Variants in SLC38A6 observed in about 807,000 individuals in gnomAD.
SLC38A6 encodes N system amino acid transporter NAT-1.
In SLC38A6, 73 loss-of-function variants were observed where a neutral mutation model predicts 65.0. The observed-to-expected ratio is 1.12, with a 90% CI of 0.93 to 1.37. The LOEUF (loss-of-function observed/expected upper bound fraction) is 1.37. Among genes scored for constraint, SLC38A6 ranks in the 40% most tolerant of loss-of-function variants. The pLI is 0.00. For synonymous variants in SLC38A6, 183 were observed against 178.8 expected (o/e 1.02, Z -0.19); for missense variants, 561 against 531.1 (o/e 1.06, Z -0.55).
intron 4 of SLC38A6, among the ~76,000 whole-genome samples, chr14:61,017,756 T>C (rs531894356): frequency 2.6e-5 from 4 of 152,342 alleles, no homozygotes; most frequent in Non-Finnish European, 5.9e-5. Context: ...TGTTGTCATT[T>C]TAATACATGC....
intron 3 of SLC38A6, among the ~76,000 whole-genome samples, chr14:61,013,921 A>C (rs1051795371): frequency 1.3e-5 from 2 of 152,082 alleles, no homozygotes; most frequent in Non-Finnish European, 2.9e-5. Flanking sequence ...CTGAATGTGA[A>C]TGTTGGCCTG....
At chr14:61,018,819 GA>G (rs2040176441) in intron 4 of SLC38A6, among the ~76,000 whole-genome samples, 1 of 152,038 alleles carries the variant, frequency 6.6e-6, no homozygotes, top group Non-Finnish European at 1.5e-5. Flanking sequence ...ATTAAAGTAT[GA>G]AAAAATTTCA....
chr14:61,015,410 C>T (rs557205553), intron 3 of SLC38A6, among the ~76,000 whole-genome samples: 4 of 152,270 alleles, frequency 2.6e-5, no homozygotes, highest in African/African-American at 9.6e-5. Flanking sequence ...GTCCAACACT[C>T]CCCAGTGAGA....
At chr14:60,994,540 C>T (rs986334524) in intron 3 of SLC38A6, among the ~76,000 whole-genome samples, 10 of 151,222 alleles carry the variant, frequency 6.6e-5, no homozygotes, top group African/African-American at 1.9e-4. Context: ...AGCAAAACTC[C>T]GTCTCAGAAA....
Position 61,078,823 on chromosome 14 carries a change from C to T in SLC38A6, c.1304C>T (p.Ser435Leu), listed in dbSNP as rs1004485411. The T allele has an allele frequency of 4.8e-5, 10 of 208,228 alleles. No individual in the cohort carries two copies. In the East Asian group the frequency reaches 6.6e-4, roughly 14 times the overall value. The allele number at this position is 208,228 out of a possible 1,614,324, so 12.9% of individuals were successfully genotyped here. The change falls in exon 16 of 17, where the codon TCG becomes TTG. Residue 435 changes from serine to leucine, a missense_variant. Ser to Leu is a moderately radical substitution (Grantham distance 145). Transcript: ENST00000354886. ...ATTTTGAGACAGGGTCTCATTCTGT[C>T]GCACAGGTTGGCGTGCAGTGGTGTG... is the stretch of plus-strand genomic sequence containing the variant.
At chr14:61,009,741 A>G (rs1176923694) in intron 3 of SLC38A6, among the ~76,000 whole-genome samples, 2 of 152,214 alleles carry the variant, frequency 1.3e-5, no homozygotes, top group East Asian at 1.9e-4. Context: ...ATAGTATTCC[A>G]TGGTGTATAT....
At chr14:60,981,430 C>T (rs1266101205) in intron 1 of SLC38A6, 48 bp downstream of exon 1, 4 of 1,551,436 alleles carry the variant, frequency 2.6e-6, no homozygotes, top group African/African-American at 1.4e-5. Flanking sequence ...TCCGGCTTCC[C>T]TCAAGTGCCT....
chr14:61,038,939 C>T (rs2039082), intron 8 of SLC38A6, among the ~76,000 whole-genome samples: 129,843 of 152,124 alleles, frequency 0.85, 56,769 homozygotes, highest in Non-Finnish European at 0.96. Flanking sequence ...ATATTTCCAT[C>T]ATCATTTGAT....
rs1273346427 is a variant in SLC38A6 at position 60,981,313 on chromosome 14, G to A, written c.36G>A (p.Arg12=). The change falls in exon 1 of 16, where the codon CGG becomes CGA. Residue 12 remains arginine, a synonymous_variant. Coordinates refer to ENST00000267488, the MANE Select transcript of SLC38A6 (RefSeq NM_153811.3). The part of the protein sequence containing the change: ...EASWGSFNAE[R]GWYVSVQQPE... ...CCTGGGGGAGCTTCAACGCTGAGCGGGGCTGGTATGTCTCTGTCCAGCAGC... is the reference window on the plus strand; with the variant it reads ...CCTGGGGGAGCTTCAACGCTGAGCGAGGCTGGTATGTCTCTGTCCAGCAGC... 2 of 1,610,578 alleles carry A rather than the reference G, an allele frequency of 1.2e-6. No individual in the cohort carries two copies.
chr14:61,045,933 T>G, intron 11 of SLC38A6, 134 bp from the exon 12 acceptor site: 1 of 553,050 alleles, frequency 1.8e-6, no homozygotes, highest in Non-Finnish European at 3.3e-6. Context: ...TAATTTCGAA[T>G]GAGGACTTCT....
Position 61,057,871 on chromosome 14 carries a change from G to T in SLC38A6, c.1290+5736G>T, listed in dbSNP as rs1408975371. Among the ~76,000 whole-genome samples, 30 of 129,302 alleles carry T rather than the reference G, an allele frequency of 2.3e-4. No homozygotes were observed. The East Asian group carries it at 5.1e-3, about 22-fold the overall frequency. The allele number at this position is 129,302 out of a possible 152,430, so 84.8% of individuals were successfully genotyped here. ...TGGGAGAGTGTATGTGTCGAGGAATGTATCCATTTCTTCTAGATTTTCTAG... is the reference window on the plus strand; with the variant it reads ...TGGGAGAGTGTATGTGTCGAGGAATTTATCCATTTCTTCTAGATTTTCTAG... On this transcript the variant is annotated intron_variant, in intron 15 of 16. Transcript: ENST00000354886.
chr14:60,989,651 G>A (rs2037713749), intron 3 of SLC38A6, among the ~76,000 whole-genome samples: 1 of 152,174 alleles, frequency 6.6e-6, no homozygotes, highest in South Asian at 2.1e-4. Flanking sequence ...TTGAGCCAGG[G>A]AGGCAGAGGT....
chr14:61,064,573 G>A (rs1288258302), intron 15 of SLC38A6, among the ~76,000 whole-genome samples: 1 of 147,360 alleles, frequency 6.8e-6, no homozygotes, highest in Non-Finnish European at 1.5e-5. Context: ...GCCTTATCTA[G>A]TTGCCTGTTT....
In SLC38A6 at chr14:61,050,654, GT is replaced by G; in HGVS notation, c.1050+22del. On this transcript the variant is annotated intron_variant, in intron 13 of 15. Coordinates refer to ENST00000267488, the MANE Select transcript of SLC38A6 (RefSeq NM_153811.3). ...ACTTCCCTGTAAGTACTCTTAAAGG[GT>G]TTTGTTGCCTAGTATAGACGCTTCC... 1 of 1,523,878 alleles carries G rather than the reference GT, an allele frequency of 6.6e-7. No homozygotes were observed. Among genetic ancestry groups the G allele is most frequent in the South Asian group, 1.3e-5 (1 of 75,264 alleles). 94.4% of individuals were successfully genotyped at this position (1,523,878 alleles called of 1,614,324 possible). A position where few individuals can be genotyped will look rare whatever the true frequency, so the allele number is the denominator to read the frequency against.
intron 5 of SLC38A6, among the ~76,000 whole-genome samples, chr14:61,023,937 A>G (rs1006618289): frequency 6.6e-6 from 1 of 152,156 alleles, no homozygotes; most frequent in African/African-American, 2.4e-5. Context: ...TTAGTAAATA[A>G]CATTTATTAT....
intron 3 of SLC38A6, among the ~76,000 whole-genome samples, chr14:61,008,386 T>G (rs2039309190): frequency 6.6e-6 from 1 of 152,174 alleles, no homozygotes; most frequent in Admixed American, 6.6e-5. Context: ...GGTCTTTGAT[T>G]ATGAAAGTAC....
Position 61,050,517 on chromosome 14 carries a change from G to T in SLC38A6, c.931G>T (p.Val311Leu), listed in dbSNP as rs1213385364. Reference protein sequence around the residue: ...LFGYLTFYDKVESELLKGYSK... With the variant: ...LFGYLTFYDKLESELLKGYSK... ...CCTTATTATTTTATTTACAGACAAAGTGGAGTCAGAATTACTAAAAGGTTA... is the reference window on the plus strand; with the variant it reads ...CCTTATTATTTTATTTACAGACAAATTGGAGTCAGAATTACTAAAAGGTTA... The change falls in exon 13 of 16, where the codon GTG becomes TTG. Residue 311 changes from valine to leucine, a missense_variant. Coordinates refer to ENST00000267488, the MANE Select transcript of SLC38A6 (RefSeq NM_153811.3). 6.6e-7 allele frequency: 1 copy of T among 1,514,570 alleles called. No individual in the cohort carries two copies. The highest frequency in any genetic ancestry group is 9.0e-7 in the Non-Finnish European group (1 of 1,107,250). 93.8% of individuals were successfully genotyped at this position (1,514,570 alleles called of 1,614,324 possible).
At chr14:60,996,183 A>T (rs911954224) in intron 3 of SLC38A6, among the ~76,000 whole-genome samples, 1 of 152,218 alleles carries the variant, frequency 6.6e-6, no homozygotes, top group African/African-American at 2.4e-5. Context: ...GTGAACCTAA[A>T]ACTGCTCCTA....
chr14:61,062,502 T>G (rs2042883532), intron 15 of SLC38A6, among the ~76,000 whole-genome samples: 3 of 152,186 alleles, frequency 2.0e-5, no homozygotes, highest in African/African-American at 7.2e-5. Flanking sequence ...TTTGCCTTTT[T>G]TTTTTTTAAA....
Sources: allele counts gnomAD v4.1 joint callset (sites outside exome capture counted in the v4.1 genomes callset), GRCh38; gene constraint gnomAD v4.1.1; transcripts MANE v1.5; gene names NCBI Gene and HGNC (gene_info 2026-07-23, HGNC 2026-07-21).